The following MID1 variants were observed in gnomAD, a reference collection of about 807,000 sequenced individuals.
The protein encoded by MID1 is E3 ubiquitin-protein ligase Midline-1.
A neutral mutation model predicts 40.4 loss-of-function variants in MID1; 7 were observed. The observed-to-expected ratio is 0.17, with a 90% CI of 0.10 to 0.33. The LOEUF (loss-of-function observed/expected upper bound fraction) is 0.33. Ranked by LOEUF, MID1 falls within the 10% of genes least tolerant of loss-of-function variation. The pLI is 1.00. For missense variants in MID1, 367 were observed against 558.5 expected, an observed-to-expected ratio of 0.66 and a Z score of 3.46; for synonymous variants, 229 against 221.2, an observed-to-expected ratio of 1.04 and a Z score of -0.31.
At chrX:10,713,793 G>A (rs1228851594) in intron 1 of MID1, among the ~76,000 whole-genome samples, 1 of 112,004 alleles carries the variant, frequency 8.9e-6, no homozygotes. Context: ...GGTCCAAAGA[G>A]GTTCAGAACT....
chrX:10,457,787 A>G lies in MID1; in HGVS notation c.1447+1859T>C, dbSNP rs957796996. Among the ~76,000 whole-genome samples, 22 of 112,245 alleles carry G rather than the reference A, an allele frequency of 2.0e-4. No homozygotes were observed. In the East Asian group the frequency reaches 2.5e-3, roughly 13 times the overall value. ...CTCACCTATCCTCCCAACCTAAGAC[A>G]CACTTTAACCACATGGATCAATTTT... is the stretch of plus-strand genomic sequence containing the variant. On this transcript the variant is annotated intron_variant, in intron 8 of 9. Transcript: ENST00000317552.
chrX:10,510,098 G>A (rs1932041021), intron 3 of MID1, among the ~76,000 whole-genome samples: 1 of 111,778 alleles, frequency 8.9e-6, no homozygotes, highest in South Asian at 3.8e-4. Context: ...ACTCTCGGGA[G>A]TCCTTGAATC....
At chrX:10,810,696 C>CTCTCTGTG (rs1555926591) in intron 1 of MID1, among the ~76,000 whole-genome samples, 1 of 101,104 alleles carries the variant, frequency 9.9e-6, no homozygotes, top group African/African-American at 3.6e-5. Context: ...GTTGTTTTCT[C>CTCTCTGTG]TGTGTGTGTG....
In MID1 at chrX:10,565,773, T is replaced by C. The variant is rs1934503916; in HGVS notation, c.660+1115A>G. Among the ~76,000 whole-genome samples the C allele has an allele frequency of 2.7e-5, 3 of 110,855 alleles. No individual in the cohort carries two copies. In the South Asian group the frequency reaches 1.2e-3, roughly 43 times the overall value. ...ATGTGGAGACTTGGCTTATTATTTC[T>C]TCCCTAGTGCTTTCTATCCATACTT... is the stretch of plus-strand genomic sequence containing the variant. On this transcript the variant is annotated intron_variant, in intron 2 of 9. Coordinates refer to ENST00000317552, the MANE Select transcript of MID1 (RefSeq NM_000381.4).
At chrX:10,566,497 T>TTC (rs1281393445) in intron 2 of MID1, among the ~76,000 whole-genome samples, 1 of 72,080 alleles carries the variant, frequency 1.4e-5, no homozygotes, top group Non-Finnish European at 2.6e-5. Flanking sequence ...TTATCTGTCA[T>TTC]TCTCTCTCTC....
chrX:10,517,284 A>G (rs947145131), intron 3 of MID1, among the ~76,000 whole-genome samples: 1 of 111,564 alleles, frequency 9.0e-6, no homozygotes, highest in Non-Finnish European at 1.9e-5. Flanking sequence ...CAGGAAGAGG[A>G]AAAGGAAGAA....
intron 1 of MID1, among the ~76,000 whole-genome samples, chrX:10,616,224 T>C (rs1282955973): frequency 2.7e-5 from 3 of 112,271 alleles, no homozygotes; most frequent in Non-Finnish European, 3.8e-5. Context: ...CTTAGTACAA[T>C]AGGGATATTG....
At chrX:10,745,612 A>T (rs1335950186) in intron 1 of MID1, among the ~76,000 whole-genome samples, 1 of 112,590 alleles carries the variant, frequency 8.9e-6, no homozygotes, top group African/African-American at 3.2e-5. Flanking sequence ...TACAAAGATG[A>T]GGTTCTGGCC....
At chrX:10,646,380 G>A (rs955963864) in intron 1 of MID1, among the ~76,000 whole-genome samples, 18 of 111,553 alleles carry the variant, frequency 1.6e-4, no homozygotes, top group African/African-American at 5.9e-4. Context: ...TAAGACTCTG[G>A]TATAGTCCCA....
chrX:10,454,632 G>A (rs907439240), intron 9 of MID1, among the ~76,000 whole-genome samples: 3 of 112,045 alleles, frequency 2.7e-5, no homozygotes, highest in South Asian at 3.8e-4. Context: ...CCAATGATCA[G>A]AGCTCTATAA....
intron 2 of MID1, among the ~76,000 whole-genome samples, chrX:10,563,055 C>G (rs890226044): frequency 9.0e-6 from 1 of 111,386 alleles, no homozygotes; most frequent in East Asian, 2.8e-4. Context: ...TTCCTAGTTG[C>G]AAACTGGGAA....
At chrX:10,797,271 G>A (rs1017993162) in intron 1 of MID1, among the ~76,000 whole-genome samples, 2 of 111,343 alleles carry the variant, frequency 1.8e-5, no homozygotes, top group South Asian at 7.7e-4. Flanking sequence ...TATTTAGAGC[G>A]GGGCCTAATA....
chrX:10,660,886 C>T (rs1441658600), intron 1 of MID1, among the ~76,000 whole-genome samples: 1 of 111,961 alleles, frequency 8.9e-6, no homozygotes, highest in African/African-American at 3.2e-5. Context: ...ATTTAATGAT[C>T]TAAGTGTTGT....
At chrX:10,689,400 C>A (rs1237123890) in intron 1 of MID1, among the ~76,000 whole-genome samples, 1 of 111,243 alleles carries the variant, frequency 9.0e-6, no homozygotes, top group Non-Finnish European at 1.9e-5. Context: ...CTTACTATCA[C>A]AAGAACAGCA....
intron 5 of MID1, among the ~76,000 whole-genome samples, chrX:10,481,448 AT>A (rs763498464): frequency 9.0e-6 from 1 of 110,968 alleles, no homozygotes; most frequent in Admixed American, 9.6e-5. Flanking sequence ...TCATTTATTT[AT>A]TTTTTTTGGA....
chrX:10,791,172 C>T (rs2043927950), intron 1 of MID1, among the ~76,000 whole-genome samples: 1 of 112,526 alleles, frequency 8.9e-6, no homozygotes, highest in South Asian at 3.7e-4. Context: ...GACATTTGTT[C>T]AGCACCTTGT....
Position 10,470,411 on chromosome X carries a change from C to T in MID1, c.1142-571G>A, listed in dbSNP as rs779802855. 8.9e-5 allele frequency among the ~76,000 whole-genome samples: 10 copies of T among 112,168 alleles called. No homozygotes were observed. The South Asian group carries it at 2.2e-3, about 25-fold the overall frequency. ...TTCACCAACCCCTGACCTATTAATA[C>T]GTGGTGCCAGATACTTATATCTTTA... is the stretch of plus-strand genomic sequence containing the variant. On this transcript the variant is annotated intron_variant, in intron 6 of 9. Coordinates refer to ENST00000317552, the MANE Select transcript of MID1 (RefSeq NM_000381.4).
intron 1 of MID1, among the ~76,000 whole-genome samples, chrX:10,646,246 G>A (rs1012441507): frequency 2.7e-5 from 3 of 111,682 alleles, no homozygotes; most frequent in Non-Finnish European, 5.7e-5. Flanking sequence ...GCAATTGCTT[G>A]CTGGCAGAGT....
intron 1 of MID1, among the ~76,000 whole-genome samples, chrX:10,729,977 T>C (rs938870059): frequency 3.7e-5 from 4 of 108,090 alleles, no homozygotes; most frequent in African/African-American, 1.3e-4. Context: ...CCAGCTACTC[T>C]GGAGGCTGAG....
Sources: allele counts gnomAD v4.1 joint callset (sites outside exome capture counted in the v4.1 genomes callset), GRCh38; gene constraint gnomAD v4.1.1; transcripts MANE v1.5; gene names NCBI Gene and HGNC (gene_info 2026-07-23, HGNC 2026-07-21).